EBF4: variants seen among roughly 807,000 people sequenced by gnomAD.
EBF4 encodes the protein transcription factor COE4.
In EBF4, 34 loss-of-function variants were observed where a neutral mutation model predicts 67.1. That is an observed-to-expected ratio of 0.51 (90% CI 0.39 to 0.67). The LOEUF is 0.67. Among genes scored for constraint, EBF4 ranks in the 30% least tolerant of loss-of-function variants. The probability of loss-of-function intolerance (pLI) is 0.00; values close to 1 mark genes in which losing one functional copy is unlikely to be tolerated. For missense variants in EBF4, 837 were observed against 873.3 expected (o/e 0.96, Z 0.52); for synonymous variants, 387 against 377.7 (o/e 1.02, Z -0.29).
rs2088036135 is a variant in EBF4 at position 2,745,435 on chromosome 20, A to C, written c.558-3114A>C. 1.3e-5 allele frequency among the ~76,000 whole-genome samples: 2 copies of C among 152,216 alleles called. No individual in the cohort carries two copies. The highest frequency in any genetic ancestry group is 1.3e-4 in the Admixed American group (2 of 15,288). ...TTTTACTCACCCACACTCTGCAGGT[A>C]ATGCTAGCCAGGCTCAAACACTGAG... On this transcript the variant is annotated intron_variant, in intron 6 of 16. Transcript: ENST00000609451. The surrounding 1 kb of genome is among the most constrained non-coding windows in gnomAD (Gnocchi z 5.2).
At chr20:2,709,545 C>T (rs747621772) in intron 5 of EBF4, 29 bp from the exon 6 acceptor site, 4 of 1,538,370 alleles carry the variant, frequency 2.6e-6, no homozygotes, top group South Asian at 1.2e-5. Context: ...TTGGCTTCTG[C>T]CTTCCCTCCT....
At chr20:2,717,795 G>C (rs1379048731) in intron 6 of EBF4, among the ~76,000 whole-genome samples, 1 of 150,848 alleles carries the variant, frequency 6.6e-6, no homozygotes, top group Non-Finnish European at 1.5e-5. Context: ...TTGAATATAC[G>C]CAGTGGTAGT....
rs1466252892 is a variant in EBF4, at chr20:2,707,375, T to TCCTGA, written c.415-572_415-571insCCTGA. On this transcript the variant is annotated intron_variant, in intron 4 of 16. Transcript: ENST00000609451. This position sits in a 1 kb window ranked among gnomAD's most constrained non-coding sequence, Gnocchi z 4.6. ...TCTGGGCAGAGGGAGGCTGGAAGAC[T>TCCTGA]GGTGAGGAGGTGATGCAGCAGTCCC... is the stretch of plus-strand genomic sequence containing the variant. 6.6e-6 allele frequency among the ~76,000 whole-genome samples: 1 copy of TCCTGA among 151,944 alleles called. No homozygotes were observed. The highest frequency in any genetic ancestry group is 1.5e-5 in the Non-Finnish European group (1 of 67,978).
intron 1 of EBF4, among the ~76,000 whole-genome samples, chr20:2,697,314 G>A (rs6115574): frequency 6.6e-6 from 1 of 152,044 alleles, no homozygotes; most frequent in African/African-American, 2.4e-5. Context: ...GGGAGGCCGA[G>A]GCAGGCAGAT....
chr20:2,752,168 C>T, exon 13 of EBF4: 1 of 1,443,610 alleles, frequency 6.9e-7, no homozygotes, highest in Non-Finnish European at 9.1e-7. Context: ...GCACCCCTGG[C>T]CCCGAGCCAC....
intron 1 of EBF4, among the ~76,000 whole-genome samples, chr20:2,697,443 G>A (rs2087309872): frequency 6.6e-6 from 1 of 151,944 alleles, no homozygotes; most frequent in Non-Finnish European, 1.5e-5. Context: ...TACTCAGGAG[G>A]CTGAGGCAGG....
At chr20:2,706,306 TC>T (rs1388723329) in intron 4 of EBF4, 42 bp downstream of exon 4, 4 of 1,550,064 alleles carry the variant, frequency 2.6e-6, no homozygotes, top group Non-Finnish European at 3.5e-6. Context: ...CTCACTCTCT[TC>T]CCGGACCCTG....
Position 2,750,942 on chromosome 20 carries a change from A to G in EBF4, c.1019-758A>G, listed in dbSNP as rs183506315. Among the ~76,000 whole-genome samples, 3 of 152,322 alleles carry G rather than the reference A, an allele frequency of 2.0e-5. 1 individual carries two copies. In the East Asian group the frequency reaches 5.8e-4, roughly 29 times the overall value. The stretch of plus-strand genomic sequence containing the variant: ...GAAACTAAAGGAAATCCACTAAGTC[A>G]GGATCAGAGGTGAAGGTAGGGCTCT... On this transcript the variant is annotated intron_variant, in intron 10 of 16. Transcript: ENST00000609451.
At chr20:2,704,288 G>C (rs1429237651) in intron 1 of EBF4, among the ~76,000 whole-genome samples, 2 of 151,950 alleles carry the variant, frequency 1.3e-5, no homozygotes, top group Non-Finnish European at 2.9e-5. Context: ...ATTCCTGGAG[G>C]GTGTCCTAGG....
chr20:2,705,089 T>A (rs1276627406), intron 1 of EBF4, among the ~76,000 whole-genome samples: 1 of 152,254 alleles, frequency 6.6e-6, no homozygotes, highest in East Asian at 1.9e-4. Flanking sequence ...TCCAAGGGTC[T>A]GATGGACATC....
At chr20:2,713,159 G>A (rs1470268336) in intron 6 of EBF4, among the ~76,000 whole-genome samples, 1 of 152,178 alleles carries the variant, frequency 6.6e-6, no homozygotes, top group Admixed American at 6.5e-5. Context: ...CAGGAGGGAA[G>A]GGGAAAATGA....
At chr20:2,758,693 A>C in intron 15 of EBF4, 1 of 584,654 alleles carries the variant, frequency 1.7e-6, no homozygotes. Flanking sequence ...CTCTTGAGGG[A>C]GGTAGGGAGC....
intron 1 of EBF4, among the ~76,000 whole-genome samples, chr20:2,695,081 C>G (rs1423771003): frequency 1.3e-5 from 2 of 150,920 alleles, no homozygotes; most frequent in Non-Finnish European, 1.5e-5. Context: ...CTGTGCTATG[C>G]TTACAATTCC....
intron 1 of EBF4, among the ~76,000 whole-genome samples, chr20:2,698,157 C>T (rs1053767648): frequency 1.3e-5 from 2 of 152,110 alleles, no homozygotes; most frequent in African/African-American, 4.8e-5. Flanking sequence ...GATTCTTCCC[C>T]CTCCCTTTCC....
chr20:2,750,852 G>A (rs1036322558), intron 10 of EBF4, among the ~76,000 whole-genome samples: 7 of 152,170 alleles, frequency 4.6e-5, no homozygotes, highest in African/African-American at 9.7e-5. Context: ...CCTGGGGAAG[G>A]AAGGGTGGTT....
chr20:2,708,057 C>T (rs757354802), intron 5 of EBF4, 37 bp downstream of exon 5: 4 of 1,577,114 alleles, frequency 2.5e-6, no homozygotes, highest in Middle Eastern at 1.7e-4. Flanking sequence ...CACCCCTCTG[C>T]CAAGGCGTTT....
At chr20:2,706,115 C>T in intron 3 of EBF4, 78 bp downstream of exon 3, 2 of 1,548,162 alleles carry the variant, frequency 1.3e-6, no homozygotes, top group African/African-American at 1.4e-5. Flanking sequence ...CCTAATGCCC[C>T]CTGTGCCAGG....
intron 6 of EBF4, among the ~76,000 whole-genome samples, chr20:2,737,118 C>T (rs535842828): frequency 2.2e-4 from 33 of 151,728 alleles, no homozygotes; most frequent in South Asian, 6.3e-4. Context: ...GGCGTGGTGG[C>T]GGGCGCCTGT....
chr20:2,700,382 C>A (rs1330222120), intron 1 of EBF4, among the ~76,000 whole-genome samples: 1 of 152,168 alleles, frequency 6.6e-6, no homozygotes, highest in Non-Finnish European at 1.5e-5. Flanking sequence ...TCCCCCTTCT[C>A]TCCCCCTTTC....
Sources: gnomAD v4.1 joint callset for allele counts (sites outside exome capture counted in the v4.1 genomes callset) on GRCh38, gnomAD v4.1.1 for gene constraint, Gnocchi (gnomAD v3.1) non-coding constraint, MANE v1.5 for transcripts, NCBI Gene and HGNC (gene_info 2026-07-23, HGNC 2026-07-21) for gene names.